The following DNAJB6 variants were observed in gnomAD, a reference collection of about 807,000 sequenced individuals.
DNAJB6 encodes the protein dnaJ homolog subfamily B member 6.
Under a neutral mutation model 42.7 loss-of-function variants are expected in DNAJB6, and 16 were observed. That is an observed-to-expected ratio of 0.37 (90% CI 0.25 to 0.57). The LOEUF (loss-of-function observed/expected upper bound fraction) is 0.57. Ranked by LOEUF, DNAJB6 falls within the 20% of genes least tolerant of loss-of-function variation. DNAJB6 has a pLI of 0.74. For missense variants in DNAJB6, 347 were observed against 416.8 expected (o/e 0.83, Z 1.46); for synonymous variants, 170 against 163.5 (o/e 1.04, Z -0.30).
At chr7:157,362,408 CTT>C (rs1283667151) in intron 2 of DNAJB6, among the ~76,000 whole-genome samples, 4 of 152,092 alleles carry the variant, frequency 2.6e-5, no homozygotes, top group South Asian at 2.1e-4. Context: ...GAGTTTCGCT[CTT>C]GTTGCCCAGG....
intron 8 of DNAJB6, among the ~76,000 whole-genome samples, chr7:157,391,922 G>A (rs1037384352): frequency 6.6e-5 from 10 of 151,980 alleles, no homozygotes; most frequent in African/African-American, 2.2e-4. Flanking sequence ...GGGCAACATG[G>A]TCAAACCACG....
chr7:157,339,598 C>CTT (rs1228805395), intron 1 of DNAJB6, among the ~76,000 whole-genome samples: 32 of 134,312 alleles, frequency 2.4e-4, no homozygotes, highest in Non-Finnish European at 3.8e-4. Flanking sequence ...CGCGCCCGGC[C>CTT]TTTTGTGTGT....
Position 157,344,328 on chromosome 7 carries a change from T to C in DNAJB6, c.-27+7184T>C, listed in dbSNP as rs572635045. ...TGCACTCTACTGCACTCTGCCTGGG[T>C]GACAGAGTGAGACTCCGTCTCAAAA... On this transcript the variant is annotated intron_variant, in intron 1 of 9. Coordinates refer to ENST00000262177, the MANE Select transcript of DNAJB6 (RefSeq NM_058246.4). 4.2e-3 allele frequency among the ~76,000 whole-genome samples: 639 copies of C among 150,566 alleles called. 5 individuals are homozygous for C. Among genetic ancestry groups the C allele is most frequent in the African/African-American group, 0.015 (609 of 40,882 alleles).
At chr7:157,351,352 G>C (rs919784900) in intron 1 of DNAJB6, among the ~76,000 whole-genome samples, 1 of 152,104 alleles carries the variant, frequency 6.6e-6, no homozygotes, top group African/African-American at 2.4e-5. Flanking sequence ...TTGTGGGCCG[G>C]GCACGGTGGC....
intron 1 of DNAJB6, among the ~76,000 whole-genome samples, chr7:157,349,181 C>T (rs1012756967): frequency 1.3e-5 from 2 of 152,106 alleles, no homozygotes; most frequent in African/African-American, 4.8e-5. Context: ...CTGCAACGGC[C>T]ATGTGCATAT....
chr7:157,386,598 G>T (rs1402938078), intron 8 of DNAJB6, among the ~76,000 whole-genome samples: 4 of 129,342 alleles, frequency 3.1e-5, no homozygotes. Context: ...GATCACTTAC[G>T]GATCCGGGCG....
intron 1 of DNAJB6, among the ~76,000 whole-genome samples, chr7:157,340,997 T>TGTGTGTGTGTGTGC (rs902019051): frequency 8.4e-5 from 10 of 118,394 alleles, no homozygotes; most frequent in African/African-American, 2.6e-4. Context: ...TGTGTGTGTG[T>TGTGTGTGTGTGTGC]GCGCGCGCGC....
chr7:157,385,118 C>A, intron 7 of DNAJB6, 110 bp downstream of exon 7: 1 of 1,157,106 alleles, frequency 8.6e-7, no homozygotes, highest in Non-Finnish European at 1.2e-6. Context: ...TATGCTAAAT[C>A]TGGCGCCATG....
chr7:157,351,950 G>GTGC (rs1799003937), intron 1 of DNAJB6, among the ~76,000 whole-genome samples: 1 of 152,146 alleles, frequency 6.6e-6, no homozygotes, highest in African/African-American at 2.4e-5. Flanking sequence ...AGTCGAGATT[G>GTGC]TGCTGCTGCA....
chr7:157,344,593 GT>G (rs1307435580), intron 1 of DNAJB6, among the ~76,000 whole-genome samples: 1 of 151,744 alleles, frequency 6.6e-6, no homozygotes. Context: ...GAAATTATTT[GT>G]TTTTTTATTT....
intron 8 of DNAJB6, among the ~76,000 whole-genome samples, chr7:157,397,969 G>A (rs891168806): frequency 1.3e-5 from 2 of 152,238 alleles, no homozygotes; most frequent in East Asian, 1.9e-4. Flanking sequence ...CTGAGATGGC[G>A]CCACTGCACT....
chr7:157,367,358 G>A lies in DNAJB6; in HGVS notation c.236-15G>A, dbSNP rs1425351711. ...CCAAAATTCATAAACTAAAAGCTGT[G>A]TTGTATTTGTGCAGGTGGAAGTCAT... On this transcript the variant is annotated splice_polypyrimidine_tract_variant and intron_variant, in intron 4 of 9. Transcript: ENST00000262177. The A allele has an allele frequency of 1.9e-6, 3 of 1,540,654 alleles. No individual in the cohort carries two copies. Among genetic ancestry groups the A allele is most frequent in the African/African-American group, 2.7e-5 (2 of 73,530 alleles).
intron 8 of DNAJB6, among the ~76,000 whole-genome samples, chr7:157,394,041 G>T (rs185234464): frequency 2.0e-5 from 3 of 152,256 alleles, no homozygotes; most frequent in Admixed American, 6.5e-5. Context: ...TCTCTCAAAA[G>T]AATACCTTTC....
At chr7:157,368,016 C>A (rs551172041) in intron 5 of DNAJB6, among the ~76,000 whole-genome samples, 1 of 152,074 alleles carries the variant, frequency 6.6e-6, no homozygotes, top group Non-Finnish European at 1.5e-5. Context: ...GTGGTCCCAG[C>A]TACTTGGGAG....
intron 1 of DNAJB6, chr7:157,340,135 G>A (rs1275388337): frequency 6.6e-6 from 1 of 152,232 alleles, no homozygotes; most frequent in Admixed American, 6.5e-5. Context: ...GTATTTGTGA[G>A]TTGACGTTTT....
intron 5 of DNAJB6, chr7:157,378,838 A>T (rs1218549073): frequency 1.3e-5 from 2 of 152,228 alleles, no homozygotes; most frequent in Non-Finnish European, 2.9e-5. Context: ...CTCTTACTTG[A>T]AATAAGGACT....
intron 6 of DNAJB6, among the ~76,000 whole-genome samples, chr7:157,383,324 T>G (rs1318784730): frequency 1.3e-5 from 2 of 152,152 alleles, no homozygotes; most frequent in African/African-American, 2.4e-5. Context: ...CTGTTTTGAT[T>G]CTCTCATTTT....
chr7:157,343,304 C>T (rs913722121), intron 1 of DNAJB6, among the ~76,000 whole-genome samples: 6 of 151,848 alleles, frequency 4.0e-5, no homozygotes, highest in South Asian at 2.1e-4. Context: ...GGACTACAGG[C>T]GCTCACCACC....
intron 8 of DNAJB6, among the ~76,000 whole-genome samples, chr7:157,400,604 C>T (rs569633928): frequency 7.5e-4 from 115 of 152,352 alleles, no homozygotes; most frequent in African/African-American, 2.6e-3. Flanking sequence ...CTTTGTCTTG[C>T]GGTCTCCGCC....
Sources: gnomAD v4.1 joint callset for allele counts (sites outside exome capture counted in the v4.1 genomes callset) on GRCh38, gnomAD v4.1.1 for gene constraint, MANE v1.5 for transcripts, NCBI Gene and HGNC (gene_info 2026-07-23, HGNC 2026-07-21) for gene names.